The following CNTNAP3 variants were observed in gnomAD, a reference collection of about 807,000 sequenced individuals.
The protein encoded by CNTNAP3 is contactin-associated protein-like 3.
Under a neutral mutation model 92.1 loss-of-function variants are expected in CNTNAP3, and 36 were observed. The observed-to-expected ratio is 0.39, with a 90% confidence interval of 0.30 to 0.52. The LOEUF is 0.52. CNTNAP3 is among the 20% of genes least tolerant of loss of function. The pLI, the probability that CNTNAP3 is intolerant of heterozygous loss-of-function variation, is 0.76. For synonymous variants in CNTNAP3, 232 were observed against 422.3 expected, an observed-to-expected ratio of 0.55 and a Z score of 5.53; for missense variants, 534 against 1,069.6, an observed-to-expected ratio of 0.50 and a Z score of 6.98.
intron 12 of CNTNAP3, among the ~76,000 whole-genome samples, chr9:39,136,271 A>G (rs1821434196): frequency 6.6e-6 from 1 of 152,092 alleles, no homozygotes; most frequent in South Asian, 2.1e-4. Flanking sequence ...GTCTGCACTT[A>G]AAATTTACTT....
chr9:39,092,207 G>A (rs1344320391), intron 18 of CNTNAP3, among the ~76,000 whole-genome samples: 2 of 144,526 alleles, frequency 1.4e-5, no homozygotes, highest in Non-Finnish European at 3.1e-5. Flanking sequence ...TTTTGGTTTG[G>A]TTAATTTTTT....
At chr9:39,280,083 G>T (rs2118358497) in intron 1 of CNTNAP3, among the ~76,000 whole-genome samples, 1 of 31,372 alleles carries the variant, frequency 3.2e-5, no homozygotes, top group African/African-American at 6.2e-5. Context: ...CGCCCCAAGG[G>T]CAGTGCTGAA....
chr9:39,158,273 G>A (rs1052593188), intron 9 of CNTNAP3, among the ~76,000 whole-genome samples: 5 of 138,734 alleles, frequency 3.6e-5, no homozygotes, highest in African/African-American at 5.8e-5. Context: ...ATTTAAAATC[G>A]GTTCCTGAGT....
chr9:39,119,052 T>C (rs533722854), intron 13 of CNTNAP3, among the ~76,000 whole-genome samples: 7 of 152,122 alleles, frequency 4.6e-5, no homozygotes, highest in African/African-American at 1.7e-4. Flanking sequence ...TTAGGATAAT[T>C]TAAAAAGCAG....
chr9:39,151,851 T>C (rs1388267401), intron 9 of CNTNAP3, among the ~76,000 whole-genome samples: 2 of 148,684 alleles, frequency 1.3e-5, no homozygotes, highest in Non-Finnish European at 3.0e-5. Context: ...TTCAAACTTG[T>C]GAGATATAAT....
At chr9:39,109,729 G>A (rs1587712120) in intron 14 of CNTNAP3, among the ~76,000 whole-genome samples, 1 of 152,200 alleles carries the variant, frequency 6.6e-6, no homozygotes, top group East Asian at 1.9e-4. Flanking sequence ...CTAGTGGTCT[G>A]GATTTCACCC....
At chr9:39,113,481 G>A (rs1820759780) in intron 14 of CNTNAP3, among the ~76,000 whole-genome samples, 1 of 151,814 alleles carries the variant, frequency 6.6e-6, no homozygotes, top group Admixed American at 6.6e-5. Flanking sequence ...CATAAATTCA[G>A]CAAACTTACT....
chr9:39,087,684 C>T (rs978223694), intron 19 of CNTNAP3, among the ~76,000 whole-genome samples: 2 of 152,146 alleles, frequency 1.3e-5, no homozygotes, highest in African/African-American at 4.8e-5. Flanking sequence ...GATGGGGTTT[C>T]ACTGTGTTAG....
chr9:39,225,650 T>C (rs962622133), intron 3 of CNTNAP3, among the ~76,000 whole-genome samples: 2 of 32,712 alleles, frequency 6.1e-5, no homozygotes, highest in African/African-American at 9.5e-5. Context: ...TTGAATCTGA[T>C]TAGACACCTT....
At chr9:39,125,260 A>C (rs540189301) in intron 13 of CNTNAP3, among the ~76,000 whole-genome samples, 1 of 152,214 alleles carries the variant, frequency 6.6e-6, no homozygotes, top group South Asian at 2.1e-4. Flanking sequence ...CCGCAAGGAC[A>C]AAAAAACAAA....
chr9:39,129,172 C>G (rs1177758234), intron 13 of CNTNAP3, among the ~76,000 whole-genome samples: 2 of 152,132 alleles, frequency 1.3e-5, no homozygotes, highest in Non-Finnish European at 2.9e-5. Context: ...ATGAGGCAAG[C>G]TACAGACTTA....
At chr9:39,129,523 CT>C (rs1821226416) in intron 13 of CNTNAP3, among the ~76,000 whole-genome samples, 2 of 152,078 alleles carry the variant, frequency 1.3e-5, no homozygotes, top group South Asian at 4.1e-4. Flanking sequence ...AACTAGAAAA[CT>C]TTTAGGAAAA....
rs1826489021 is a variant in CNTNAP3, at chr9:39,102,561, CT to C, written c.2690del (p.Gln897ArgfsTer33). On this transcript the variant is annotated frameshift_variant, in exon 17 of 24. Coordinates refer to ENST00000297668, the MANE Select transcript of CNTNAP3 (RefSeq NM_033655.5). LOFTEE classifies it high-confidence loss of function. ...GASLQVDQLP[Q>X]KMQPAPADGH... ...CATCAGCAGGGGCAGGCTGCATCTT[CT>C]GAGGAAGCTGATCAACTTGAAGAGA... The C allele has an allele frequency of 2.7e-6, 4 of 1,497,062 alleles. No individual in the cohort carries two copies. In the East Asian group the frequency reaches 9.7e-5, roughly 36 times the overall value. 92.7% of individuals were successfully genotyped at this position (1,497,062 alleles called of 1,614,324 possible).
chr9:39,075,038 G>C, intron 23 of CNTNAP3, among the ~76,000 whole-genome samples: 1 of 152,276 alleles, frequency 6.6e-6, no homozygotes, highest in Non-Finnish European at 1.5e-5. Context: ...AAAGTGCTGG[G>C]ATTACAGGCG....
chr9:39,170,365 G>A (rs1209845198), intron 8 of CNTNAP3, among the ~76,000 whole-genome samples: 1 of 98,680 alleles, frequency 1.0e-5, no homozygotes, highest in Admixed American at 9.5e-5. Flanking sequence ...TTACCCCCTG[G>A]TCTCAAGCAG....
intron 13 of CNTNAP3, among the ~76,000 whole-genome samples, chr9:39,130,051 T>A (rs1025023473): frequency 2.0e-5 from 3 of 152,162 alleles, no homozygotes; most frequent in African/African-American, 7.2e-5. Context: ...TTGGTGGGAA[T>A]GGTACAACCA....
chr9:39,084,442 C>A (rs1826022926), intron 21 of CNTNAP3, among the ~76,000 whole-genome samples: 1 of 152,118 alleles, frequency 6.6e-6, no homozygotes. Flanking sequence ...GATCCGCCTG[C>A]CTCAGCCTCC....
At chr9:39,135,734 A>G (rs1821414270) in intron 12 of CNTNAP3, among the ~76,000 whole-genome samples, 1 of 152,182 alleles carries the variant, frequency 6.6e-6, no homozygotes, top group Non-Finnish European at 1.5e-5. Flanking sequence ...ATCAGCCTAC[A>G]GTTGGGCAAA....
At chr9:39,146,386 T>C (rs1298350622) in intron 10 of CNTNAP3, among the ~76,000 whole-genome samples, 2 of 152,008 alleles carry the variant, frequency 1.3e-5, no homozygotes, top group African/African-American at 4.8e-5. Flanking sequence ...TAAGAGGTGA[T>C]TAAGAAGTTA....
Sources: allele counts gnomAD v4.1 joint callset (sites outside exome capture counted in the v4.1 genomes callset), GRCh38; gene constraint gnomAD v4.1.1; transcripts MANE v1.5; gene names NCBI Gene and HGNC (gene_info 2026-07-23, HGNC 2026-07-21).